DLGAP2: variants seen among roughly 807,000 people sequenced by gnomAD.
The protein encoded by DLGAP2 is disks large-associated protein 2.
Under a neutral mutation model 100.3 loss-of-function variants are expected in DLGAP2, and 26 were observed. The ratio of observed to expected loss-of-function variants is 0.26; its 90% CI spans 0.19 to 0.36. The LOEUF (loss-of-function observed/expected upper bound fraction) is 0.36. Ranked by LOEUF, DLGAP2 falls within the 10% of genes least tolerant of loss-of-function variation. The pLI is 1.00. For missense variants in DLGAP2, 1,858 were observed against 1,453.2 expected, an observed-to-expected ratio of 1.28 and a Z score of -4.53; for synonymous variants, 886 against 630.1, an observed-to-expected ratio of 1.41 and a Z score of -6.08.
intron 3 of DLGAP2, chr8:1,300,240 T>C (rs1563069705): frequency 6.6e-6 from 1 of 151,682 alleles, no homozygotes; most frequent in Non-Finnish European, 1.5e-5. Flanking sequence ...ATGTGTACAA[T>C]GTGTAGATGC....
At chr8:1,505,897 A>C (rs1292429310) in intron 4 of DLGAP2, among the ~76,000 whole-genome samples, 2 of 152,210 alleles carry the variant, frequency 1.3e-5, no homozygotes, top group Non-Finnish European at 2.9e-5. Flanking sequence ...TGCTATATTG[A>C]CCCAAATTTT....
intron 2 of DLGAP2, among the ~76,000 whole-genome samples, chr8:1,100,753 G>A (rs142567997): frequency 1.3e-5 from 2 of 152,264 alleles, no homozygotes; most frequent in African/African-American, 2.4e-5. Context: ...GATCTGCCAC[G>A]CAGGACAGAG....
intron 2 of DLGAP2, among the ~76,000 whole-genome samples, chr8:1,078,754 C>T (rs1803705378): frequency 6.6e-6 from 1 of 152,110 alleles, no homozygotes; most frequent in East Asian, 1.9e-4. Flanking sequence ...TTCTTTTTAG[C>T]CCTGAATAAC....
intron 1 of DLGAP2, among the ~76,000 whole-genome samples, chr8:876,024 C>G (rs1257479905): frequency 6.6e-6 from 1 of 152,154 alleles, no homozygotes; most frequent in Non-Finnish European, 1.5e-5. Context: ...TAATTATGTT[C>G]TTAGTATAAC....
chr8:1,389,739 A>G (rs1796304624), intron 3 of DLGAP2, among the ~76,000 whole-genome samples: 1 of 152,084 alleles, frequency 6.6e-6, no homozygotes, highest in Non-Finnish European at 1.5e-5. Context: ...ACTTCCTCTT[A>G]GGTGGCCGTG....
intron 2 of DLGAP2, among the ~76,000 whole-genome samples, chr8:1,253,116 G>T (rs951325932): frequency 2.0e-5 from 3 of 152,206 alleles, no homozygotes; most frequent in Non-Finnish European, 4.4e-5. Flanking sequence ...TGTAGAAGGA[G>T]CACAGATGCT....
chr8:1,136,657 A>G lies in DLGAP2; in HGVS notation c.74-122194A>G, dbSNP rs775268739. On this transcript the variant is annotated intron_variant, in intron 2 of 14. Transcript: ENST00000637795. Reference sequence around the variant, plus strand: ...ATGCTCAGTAAAAACGTCTTTCTCTATGCTCTTCAAATTGAATGTGGATTC... The same window carrying G: ...ATGCTCAGTAAAAACGTCTTTCTCTGTGCTCTTCAAATTGAATGTGGATTC... Among the ~76,000 whole-genome samples, 148 of 152,190 alleles carry G rather than the reference A, an allele frequency of 9.7e-4. 1 individual carries two copies. The highest frequency in any genetic ancestry group is 1.3e-3 in the Non-Finnish European group (90 of 68,036).
chr8:1,496,475 C>G (rs913057908), intron 3 of DLGAP2, among the ~76,000 whole-genome samples: 7 of 152,318 alleles, frequency 4.6e-5, no homozygotes, highest in African/African-American at 1.4e-4. Context: ...GGGAAGCATC[C>G]TGCTTCCTTC....
intron 8 of DLGAP2, among the ~76,000 whole-genome samples, chr8:1,641,432 T>A (rs1465171705): frequency 2.0e-5 from 3 of 152,192 alleles, no homozygotes; most frequent in Non-Finnish European, 2.9e-5. Flanking sequence ...ACATGAATGC[T>A]GGGATGATCT....
chr8:1,296,596 G>A (rs1279504722), intron 3 of DLGAP2, among the ~76,000 whole-genome samples: 1 of 152,116 alleles, frequency 6.6e-6, no homozygotes, highest in Non-Finnish European at 1.5e-5. Context: ...ATTTTTCTGG[G>A]GTAGCATAAA....
At chr8:1,326,994 T>C (rs79507838) in intron 3 of DLGAP2, among the ~76,000 whole-genome samples, 4 of 152,342 alleles carry the variant, frequency 2.6e-5, no homozygotes, top group African/African-American at 9.6e-5. Context: ...CCTTGGGCTA[T>C]GAGGGTGAAC....
At chr8:1,325,186 G>T (rs1400939324) in intron 3 of DLGAP2, among the ~76,000 whole-genome samples, 1 of 152,210 alleles carries the variant, frequency 6.6e-6, no homozygotes, top group Non-Finnish European at 1.5e-5. Flanking sequence ...GTAGCGGATG[G>T]TCTTCTCAGC....
chr8:1,630,516 C>G (rs191720085), intron 7 of DLGAP2, among the ~76,000 whole-genome samples: 353 of 152,184 alleles, frequency 2.3e-3, no homozygotes, highest in African/African-American at 8.1e-3. Context: ...TCCTGGCTAA[C>G]ATGGTGAAAC....
intron 2 of DLGAP2, among the ~76,000 whole-genome samples, chr8:1,024,192 GTGCCGAGGTAGACA>G (rs1245292700): frequency 4.7e-5 from 4 of 85,992 alleles, no homozygotes; most frequent in African/African-American, 1.2e-4. Context: ...GGACAGTTCC[GTGCCGAGGTAGACA>G]CTCCAAACAC....
chr8:1,060,940 C>T (rs190135686), intron 2 of DLGAP2, among the ~76,000 whole-genome samples: 141 of 152,334 alleles, frequency 9.3e-4, no homozygotes, highest in Admixed American at 1.9e-3. Flanking sequence ...GAGTGTGTCT[C>T]CCAGCCTTCA....
intron 2 of DLGAP2, among the ~76,000 whole-genome samples, chr8:1,129,104 A>G (rs188660033): frequency 2.6e-5 from 4 of 152,240 alleles, no homozygotes; most frequent in Non-Finnish European, 4.4e-5. Flanking sequence ...CATTGGAATC[A>G]CATTTTAAAT....
rs1243296952 is a variant in DLGAP2 at position 1,696,996 on chromosome 8, A to C, written c.2797-151A>C. The C allele has an allele frequency of 7.7e-6, 6 of 778,846 alleles. No homozygotes were observed. In the East Asian group the frequency reaches 1.8e-4, roughly 24 times the overall value. 48.2% of individuals were successfully genotyped at this position (778,846 alleles called of 1,614,324 possible). ...TGCTAAAGTAAACTGTCATGGAAGC[A>C]TGGCCTTCCCAAGTATCTGCCTCAG... On this transcript the variant is annotated intron_variant, in intron 13 of 14. Coordinates refer to ENST00000637795, the MANE Select transcript of DLGAP2 (RefSeq NM_001346810.2).
At chr8:1,197,408 A>C (rs1797775314) in intron 2 of DLGAP2, among the ~76,000 whole-genome samples, 2 of 152,198 alleles carry the variant, frequency 1.3e-5, no homozygotes, top group Non-Finnish European at 2.9e-5. Context: ...CCAAACCAAG[A>C]CAAAGGCCCT....
intron 3 of DLGAP2, among the ~76,000 whole-genome samples, chr8:1,325,164 C>G (rs1800991574): frequency 6.6e-6 from 1 of 152,192 alleles, no homozygotes; most frequent in African/African-American, 2.4e-5. Context: ...CCCCCAGTCC[C>G]CCAGAGCTGG....
Sources: gnomAD v4.1 joint callset for allele counts (sites outside exome capture counted in the v4.1 genomes callset) on GRCh38, gnomAD v4.1.1 for gene constraint, MANE v1.5 for transcripts, NCBI Gene and HGNC (gene_info 2026-07-23, HGNC 2026-07-21) for gene names.